Variants in WWOX observed in about 807,000 individuals in gnomAD.
WWOX encodes WW domain-containing oxidoreductase.
A neutral mutation model predicts 46.2 loss-of-function variants in WWOX; 69 were observed. The ratio of observed to expected loss-of-function variants is 1.49; its 90% CI spans 1.23 to 1.82. WWOX has a LOEUF of 1.82. WWOX is among the 40% of genes most tolerant of loss of function. The pLI is 0.00. For missense variants in WWOX, 919 were observed against 542.6 expected, an observed-to-expected ratio of 1.69 and a Z score of -6.89; for synonymous variants, 359 against 202.6, an observed-to-expected ratio of 1.77 and a Z score of -6.56.
At chr16:78,614,080 G>C (rs1322809883) in intron 8 of WWOX, among the ~76,000 whole-genome samples, 1 of 152,176 alleles carries the variant, frequency 6.6e-6, no homozygotes, top group Non-Finnish European at 1.5e-5. Context: ...CTTGCATGTT[G>C]TGTCACCCCT....
chr16:78,756,593 G>C (rs968356247), intron 8 of WWOX, among the ~76,000 whole-genome samples: 12 of 152,196 alleles, frequency 7.9e-5, no homozygotes, highest in Non-Finnish European at 1.8e-4. Flanking sequence ...TCCTATGAGA[G>C]TTTCATTGGT....
intron 1 of WWOX, among the ~76,000 whole-genome samples, chr16:78,100,846 A>G (rs1231214690): frequency 6.6e-6 from 1 of 152,138 alleles, no homozygotes; most frequent in Non-Finnish European, 1.5e-5. Flanking sequence ...CACCTAGGAA[A>G]TGTCCTAAAT....
At chr16:78,530,774 T>C (rs1030145108) in intron 8 of WWOX, among the ~76,000 whole-genome samples, 12 of 152,318 alleles carry the variant, frequency 7.9e-5, no homozygotes, top group African/African-American at 2.6e-4. Context: ...TTTGTACATA[T>C]GAAATTTAAT....
intron 8 of WWOX, among the ~76,000 whole-genome samples, chr16:78,957,637 A>G (rs1242641503): frequency 6.6e-6 from 1 of 152,190 alleles, no homozygotes; most frequent in Non-Finnish European, 1.5e-5. Context: ...TCTATCTCTA[A>G]AAACTACAGA....
chr16:78,816,483 C>T lies in WWOX; in HGVS notation c.1056+383731C>T, dbSNP rs184686055. Among the ~76,000 whole-genome samples the T allele has an allele frequency of 8.1e-3, 1,155 of 143,116 alleles. 15 individuals carry two copies. The highest frequency in any genetic ancestry group is 9.9e-3 in the Non-Finnish European group (657 of 66,188). 93.9% of individuals were successfully genotyped at this position (143,116 alleles called of 152,430 possible). ...AATCCTGCCAATTACTGAAATCTAC[C>T]AGACAAGAAGGAGCCACTCTTTTTT... On this transcript the variant is annotated intron_variant, in intron 8 of 8. Transcript: ENST00000566780.
At chr16:78,199,553 C>A (rs995185360) in intron 5 of WWOX, among the ~76,000 whole-genome samples, 8 of 152,182 alleles carry the variant, frequency 5.3e-5, no homozygotes, top group Non-Finnish European at 1.0e-4. Context: ...ATGGGCTCTT[C>A]TCTTTTTTAT....
At chr16:78,610,476 C>T (rs1381679221) in intron 8 of WWOX, among the ~76,000 whole-genome samples, 1 of 152,140 alleles carries the variant, frequency 6.6e-6, no homozygotes, top group Non-Finnish European at 1.5e-5. Context: ...TAAAAGGTCA[C>T]CTACAATACT....
chr16:78,974,707 G>A (rs1002661829), intron 8 of WWOX, among the ~76,000 whole-genome samples: 7 of 152,194 alleles, frequency 4.6e-5, no homozygotes, highest in African/African-American at 1.7e-4. Flanking sequence ...TGTTTACAGA[G>A]TTGCCACTTT....
chr16:78,788,918 G>T (rs751539475), intron 8 of WWOX, among the ~76,000 whole-genome samples: 6 of 152,228 alleles, frequency 3.9e-5, no homozygotes, highest in Non-Finnish European at 5.9e-5. Flanking sequence ...TGCTTAGTAT[G>T]TGGGGAAAGT....
At chr16:78,262,022 G>A (rs945810528) in intron 5 of WWOX, among the ~76,000 whole-genome samples, 2 of 146,492 alleles carry the variant, frequency 1.4e-5, no homozygotes, top group South Asian at 2.1e-4. Flanking sequence ...CCTGGGAAGC[G>A]GAGGTTGCAG....
rs1209419763 is a variant in WWOX, at chr16:78,972,482, A to T, written c.1057-239126A>T. 3.3e-5 allele frequency among the ~76,000 whole-genome samples: 5 copies of T among 151,930 alleles called. No individual in the cohort carries two copies. In the South Asian group the frequency reaches 6.2e-4, roughly 19 times the overall value. ...AGCAAGCAGGGGTGAAAAAAAAAAA[A>T]AATAAAAGAACCTGAAGCCGCCAAG... On this transcript the variant is annotated intron_variant, in intron 8 of 8. Transcript: ENST00000566780.
intron 5 of WWOX, among the ~76,000 whole-genome samples, chr16:78,294,779 A>G (rs1207777446): frequency 1.3e-5 from 2 of 152,144 alleles, no homozygotes; most frequent in Admixed American, 6.5e-5. Flanking sequence ...GAAAGGAGGA[A>G]GGAAGGATGG....
chr16:78,572,602 CAAAAAAA>C (rs35178787), intron 8 of WWOX, among the ~76,000 whole-genome samples: 7 of 41,502 alleles, frequency 1.7e-4, no homozygotes, highest in East Asian at 9.8e-4. Context: ...GACTCTGTCT[CAAAAAAA>C]AAAAAAAAAA....
chr16:79,122,939 G>C (rs898176968), intron 8 of WWOX, among the ~76,000 whole-genome samples: 5 of 152,170 alleles, frequency 3.3e-5, no homozygotes, highest in African/African-American at 1.2e-4. Context: ...GACCCTTGCC[G>C]GGGCCTCGCC....
chr16:79,054,987 C>T (rs140978528), intron 8 of WWOX, among the ~76,000 whole-genome samples: 1 of 152,204 alleles, frequency 6.6e-6, no homozygotes, highest in Non-Finnish European at 1.5e-5. Context: ...TGGTTTTCCA[C>T]TGACTAATCA....
chr16:79,140,071 C>T (rs1045110039), intron 8 of WWOX, among the ~76,000 whole-genome samples: 24 of 152,214 alleles, frequency 1.6e-4, no homozygotes, highest in Admixed American at 1.5e-3. Flanking sequence ...TTCCTACTCA[C>T]AGTGCCCCCA....
intron 8 of WWOX, among the ~76,000 whole-genome samples, chr16:79,077,136 C>T (rs1290567457): frequency 6.6e-6 from 1 of 152,136 alleles, no homozygotes; most frequent in Non-Finnish European, 1.5e-5. Flanking sequence ...ACCCCTAAGC[C>T]CGTGCTTTGT....
At chr16:78,728,032 C>T (rs915381155) in intron 8 of WWOX, among the ~76,000 whole-genome samples, 5 of 146,820 alleles carry the variant, frequency 3.4e-5, no homozygotes, top group African/African-American at 1.0e-4. Context: ...TAACTCCCTT[C>T]CTCTTTCCTC....
chr16:78,463,424 C>T (rs2084000339), intron 8 of WWOX, among the ~76,000 whole-genome samples: 1 of 152,154 alleles, frequency 6.6e-6, no homozygotes, highest in South Asian at 2.1e-4. Context: ...ATTTCCATGC[C>T]TCGCAGCAAA....
Sources: allele counts gnomAD v4.1 joint callset (sites outside exome capture counted in the v4.1 genomes callset), GRCh38; gene constraint gnomAD v4.1.1; transcripts MANE v1.5; gene names NCBI Gene and HGNC (gene_info 2026-07-23, HGNC 2026-07-21).